PDE1A: variants seen among roughly 807,000 people sequenced by gnomAD.
PDE1A encodes the protein phosphodiesterase 1A.
In PDE1A, 35 loss-of-function variants were observed where a neutral mutation model predicts 61.7. The ratio of observed to expected loss-of-function variants is 0.57; its 90% CI spans 0.43 to 0.75. PDE1A has a LOEUF of 0.75. PDE1A is among the 30% of genes least tolerant of loss of function. The pLI is 0.00. For synonymous variants in PDE1A, 232 were observed against 213.2 expected (o/e 1.09, Z -0.77); for missense variants, 597 against 630.6 (o/e 0.95, Z 0.57).
the PDE1A span, among the ~76,000 whole-genome samples, chr2:182,621,472 C>T: frequency 2.2e-3 from 339 of 152,252 alleles, 2 homozygotes; most frequent in African/African-American, 7.7e-3. Context: ...TACTCTCCAA[C>T]CTATCACACT....
chr2:182,289,507 A>G (rs1694384119), intron 1 of PDE1A, among the ~76,000 whole-genome samples: 1 of 152,112 alleles, frequency 6.6e-6, no homozygotes, highest in Non-Finnish European at 1.5e-5. Flanking sequence ...AGGGCTAGAC[A>G]TCACTCCCTG....
At chr2:182,526,478 G>A (rs141629190), upstream of PDE1A, among the ~76,000 whole-genome samples, 22 of 152,236 alleles carry the variant, frequency 1.4e-4, 1 homozygote, top group East Asian at 4.2e-3. Context: ...ACCATAAAAG[G>A]CTACCCATGT....
intron 2 of PDE1A, among the ~76,000 whole-genome samples, chr2:182,436,801 A>G (rs1684453190): frequency 6.6e-6 from 1 of 152,018 alleles, no homozygotes; most frequent in Non-Finnish European, 1.5e-5. Context: ...GCCAAAGACT[A>G]TATAGTTCGC....
At chr2:182,633,428 C>A in the PDE1A span, among the ~76,000 whole-genome samples, 1 of 152,168 alleles carries the variant, frequency 6.6e-6, no homozygotes, top group Non-Finnish European at 1.5e-5. Flanking sequence ...TTACACTTAG[C>A]CTGAAAACTC....
chr2:182,194,270 T>TA (rs1157962544), intron 10 of PDE1A, among the ~76,000 whole-genome samples: 2 of 152,120 alleles, frequency 1.3e-5, no homozygotes, highest in East Asian at 3.8e-4. Flanking sequence ...ACTATTTTTG[T>TA]AAAAAAATTA....
exon 3 of PDE1A, chr2:182,240,147 T>C: frequency 6.2e-7 from 1 of 1,614,054 alleles, no homozygotes; most frequent in Non-Finnish European, 8.5e-7. Flanking sequence ...GCATGCACAA[T>C]GCTCCGAAAT....
At chr2:182,378,246 T>C (rs1343060146) in intron 1 of PDE1A, among the ~76,000 whole-genome samples, 3 of 152,322 alleles carry the variant, frequency 2.0e-5, no homozygotes, top group East Asian at 1.9e-4. Context: ...AAAGTTTGCA[T>C]AATGAGTCAT....
intron 1 of PDE1A, among the ~76,000 whole-genome samples, chr2:182,320,154 G>A (rs76448134): frequency 0.014 from 2,064 of 152,298 alleles, 31 homozygotes; most frequent in Non-Finnish European, 0.023. Context: ...AGTAATGCAT[G>A]AGGCTAGGTA....
intron 1 of PDE1A, among the ~76,000 whole-genome samples, chr2:182,364,593 A>G (rs1250986992): frequency 1.3e-5 from 2 of 151,248 alleles, no homozygotes; most frequent in Non-Finnish European, 3.0e-5. Context: ...ATTAAAATAT[A>G]CCCAACTTTT....
chr2:182,227,812 A>G (rs934032684), intron 6 of PDE1A, among the ~76,000 whole-genome samples: 3 of 152,086 alleles, frequency 2.0e-5, no homozygotes, highest in African/African-American at 7.2e-5. Context: ...CATTTATAAG[A>G]ACAGAATTTC....
the PDE1A span, among the ~76,000 whole-genome samples, chr2:182,556,223 G>A: frequency 6.6e-6 from 1 of 151,960 alleles, no homozygotes; most frequent in Non-Finnish European, 1.5e-5. Flanking sequence ...AAAACCTTTG[G>A]AAATAACTAT....
At chr2:182,321,843 C>T (rs1029282243) in intron 1 of PDE1A, among the ~76,000 whole-genome samples, 3 of 152,014 alleles carry the variant, frequency 2.0e-5, no homozygotes, top group African/African-American at 4.8e-5. Flanking sequence ...TAAGCTTCCA[C>T]GTAAGATTTT....
At chr2:182,706,632 A>C in the PDE1A span, among the ~76,000 whole-genome samples, 1 of 152,020 alleles carries the variant, frequency 6.6e-6, no homozygotes, top group Admixed American at 6.6e-5. Context: ...CTTTGTTTTC[A>C]TATTCTGGCT....
intron 13 of PDE1A, among the ~76,000 whole-genome samples, chr2:182,171,911 A>G (rs1692257414): frequency 6.6e-6 from 1 of 151,700 alleles, no homozygotes; most frequent in Admixed American, 6.6e-5. Context: ...TACTTCCCAA[A>G]TTTCCACACT....
chr2:182,414,008 G>A (rs997143982), intron 1 of PDE1A, among the ~76,000 whole-genome samples: 1 of 152,078 alleles, frequency 6.6e-6, no homozygotes, highest in Non-Finnish European at 1.5e-5. Context: ...GTCATCAGGT[G>A]GACATGTTTA....
chr2:182,681,229 A>G, the PDE1A span, among the ~76,000 whole-genome samples: 5 of 151,812 alleles, frequency 3.3e-5, no homozygotes, highest in Admixed American at 2.6e-4. Flanking sequence ...TGTTTCCTCA[A>G]AACTGAAGTT....
intron 2 of PDE1A, among the ~76,000 whole-genome samples, chr2:182,490,926 G>T (rs916445417): frequency 1.3e-5 from 2 of 152,120 alleles, no homozygotes; most frequent in Admixed American, 1.3e-4. Context: ...GTAGGGAAGG[G>T]CTCTTTTTAG....
At chr2:182,379,715 GTATT>G (rs959154983) in intron 1 of PDE1A, among the ~76,000 whole-genome samples, 3 of 152,182 alleles carry the variant, frequency 2.0e-5, no homozygotes, top group Admixed American at 1.3e-4. Context: ...AGATATGCAT[GTATT>G]TATTTATGAA....
At chr2:182,562,997 G>A in the PDE1A span, among the ~76,000 whole-genome samples, 26 of 151,920 alleles carry the variant, frequency 1.7e-4, no homozygotes, top group African/African-American at 5.3e-4. Flanking sequence ...TGATCCTTTC[G>A]AAAAACCACC....
Sources: gnomAD v4.1 joint callset for allele counts (sites outside exome capture counted in the v4.1 genomes callset) on GRCh38, gnomAD v4.1.1 for gene constraint, MANE v1.5 for transcripts, NCBI Gene and HGNC (gene_info 2026-07-23, HGNC 2026-07-21) for gene names.